Variants in LRRTM4 observed in about 807,000 individuals in gnomAD.
LRRTM4 encodes leucine rich repeat transmembrane neuronal 4.
A neutral mutation model predicts 47.6 loss-of-function variants in LRRTM4; 25 were observed. The ratio of observed to expected loss-of-function variants is 0.53; its 90% CI spans 0.38 to 0.73. The LOEUF is 0.73. LRRTM4 is among the 30% of genes least tolerant of loss of function. The probability of loss-of-function intolerance (pLI) is 0.00; values close to 1 mark genes in which losing one functional copy is unlikely to be tolerated. For synonymous variants in LRRTM4, 311 were observed against 269.5 expected, an observed-to-expected ratio of 1.15 and a Z score of -1.51; for missense variants, 638 against 713.4, an observed-to-expected ratio of 0.89 and a Z score of 1.20.
chr2:77,499,067 C>T (rs1196271184), intron 3 of LRRTM4, among the ~76,000 whole-genome samples: 1 of 151,874 alleles, frequency 6.6e-6, no homozygotes, highest in East Asian at 1.9e-4. Context: ...TTATGCACTA[C>T]ATTAATAATC....
At chr2:77,339,706 G>T (rs1204587372) in intron 3 of LRRTM4, among the ~76,000 whole-genome samples, 1 of 151,904 alleles carries the variant, frequency 6.6e-6, no homozygotes, top group African/African-American at 2.4e-5. Flanking sequence ...TGCATCAAAG[G>T]CAGATATATG....
intron 3 of LRRTM4, among the ~76,000 whole-genome samples, chr2:77,105,407 A>G (rs1671067723): frequency 6.6e-6 from 1 of 151,670 alleles, no homozygotes; most frequent in Admixed American, 6.6e-5. Flanking sequence ...TCTCAAGGAC[A>G]AAAAACCAAA....
chr2:77,278,013 A>G (rs1359163088), intron 3 of LRRTM4, among the ~76,000 whole-genome samples: 1 of 151,956 alleles, frequency 6.6e-6, no homozygotes, highest in Non-Finnish European at 1.5e-5. Context: ...CCCCAGAAGA[A>G]CTGCTGCTGC....
chr2:76,870,434 G>T (rs1250507254), intron 3 of LRRTM4, among the ~76,000 whole-genome samples: 1 of 152,002 alleles, frequency 6.6e-6, no homozygotes, highest in East Asian at 1.9e-4. Context: ...TTTCCCAAAA[G>T]AATGAGCTGA....
At chr2:77,014,969 G>A (rs112883102) in intron 3 of LRRTM4, among the ~76,000 whole-genome samples, 2 of 151,862 alleles carry the variant, frequency 1.3e-5, no homozygotes, top group African/African-American at 4.8e-5. Context: ...TTTAGTAATT[G>A]GATAAACACT....
chr2:76,873,501 T>TAC (rs1491192402), intron 3 of LRRTM4, among the ~76,000 whole-genome samples: 4 of 73,940 alleles, frequency 5.4e-5, no homozygotes, highest in Non-Finnish European at 5.3e-5. Context: ...TGTATATATA[T>TAC]GTGTGTATAT....
intron 3 of LRRTM4, among the ~76,000 whole-genome samples, chr2:77,154,291 C>A (rs544042902): frequency 6.6e-6 from 1 of 152,134 alleles, no homozygotes; most frequent in Admixed American, 6.5e-5. Context: ...TCTTTCCCTG[C>A]CAAATTTCTG....
At chr2:77,203,683 T>C (rs1384521870) in intron 3 of LRRTM4, among the ~76,000 whole-genome samples, 1 of 152,112 alleles carries the variant, frequency 6.6e-6, no homozygotes, top group Non-Finnish European at 1.5e-5. Flanking sequence ...GGAGAGTGTA[T>C]AGAAAAGAGT....
intron 3 of LRRTM4, among the ~76,000 whole-genome samples, chr2:76,915,059 A>T (rs1321269738): frequency 1.3e-5 from 2 of 152,238 alleles, no homozygotes; most frequent in African/African-American, 4.8e-5. Flanking sequence ...AAATTTTAGA[A>T]ATCTTTGAAA....
At chr2:77,407,524 T>C (rs191967409) in intron 3 of LRRTM4, among the ~76,000 whole-genome samples, 1 of 148,394 alleles carries the variant, frequency 6.7e-6, no homozygotes, top group Admixed American at 6.9e-5. Context: ...GTTTTGGCAG[T>C]TGAAGGTCAA....
chr2:77,374,568 T>C (rs1255299012), intron 3 of LRRTM4, among the ~76,000 whole-genome samples: 1 of 151,810 alleles, frequency 6.6e-6, no homozygotes, highest in African/African-American at 2.4e-5. Flanking sequence ...TTCTAGACTT[T>C]ACAGTGAGAC....
intron 3 of LRRTM4, among the ~76,000 whole-genome samples, chr2:77,402,802 T>C (rs1381054171): frequency 2.6e-5 from 4 of 151,990 alleles, no homozygotes; most frequent in Non-Finnish European, 5.9e-5. Context: ...TTGGTCACCC[T>C]TGGTTAACAT....
chr2:77,045,827 AT>A (rs1011427196), intron 3 of LRRTM4, among the ~76,000 whole-genome samples: 5 of 151,458 alleles, frequency 3.3e-5, no homozygotes, highest in Non-Finnish European at 5.9e-5. Flanking sequence ...CAAGCACAGC[AT>A]TTTTTTTGCT....
chr2:76,907,351 A>G (rs918155290), intron 3 of LRRTM4, among the ~76,000 whole-genome samples: 8 of 151,492 alleles, frequency 5.3e-5, no homozygotes, highest in Non-Finnish European at 7.4e-5. Flanking sequence ...TAGTGTGTAA[A>G]GGGAAATTTA....
Position 77,295,925 on chromosome 2 carries a change from G to C in LRRTM4, c.1551+222393C>G, listed in dbSNP as rs566053185. Among the ~76,000 whole-genome samples, 18 of 152,210 alleles carry C rather than the reference G, an allele frequency of 1.2e-4. 1 individual carries two copies. Among genetic ancestry groups the C allele is most frequent in the Admixed American group, 1.1e-3 (17 of 15,272 alleles). ...TAGTAATTGAACATATGAATCTTAA[G>C]GGGGCCCAACTCAGGCCATGACAAT... On this transcript the variant is annotated intron_variant, in intron 3 of 3. Coordinates refer to ENST00000409884, the MANE Select transcript of LRRTM4 (RefSeq NM_001134745.3).
intron 3 of LRRTM4, among the ~76,000 whole-genome samples, chr2:76,857,955 G>A (rs1219820235): frequency 6.6e-6 from 1 of 152,080 alleles, no homozygotes; most frequent in Non-Finnish European, 1.5e-5. Context: ...GTACTAGAGT[G>A]CAGCCTCAGG....
At chr2:76,898,672 T>C (rs1466003413) in intron 3 of LRRTM4, among the ~76,000 whole-genome samples, 2 of 151,366 alleles carry the variant, frequency 1.3e-5, no homozygotes, top group Non-Finnish European at 1.5e-5. Flanking sequence ...CACAGCCATA[T>C]AGAGTTTCCT....
chr2:77,029,327 C>T (rs376880351), intron 3 of LRRTM4, among the ~76,000 whole-genome samples: 41 of 151,976 alleles, frequency 2.7e-4, no homozygotes, highest in African/African-American at 8.4e-4. Context: ...GGAGCCAGTC[C>T]GAGTCCCAAA....
intron 3 of LRRTM4, among the ~76,000 whole-genome samples, chr2:77,106,050 T>C (rs142254618): frequency 6.2e-4 from 94 of 152,304 alleles, no homozygotes; most frequent in African/African-American, 2.2e-3. Flanking sequence ...ACCAGCTTTC[T>C]ATTTTTCTCA....
Sources: gnomAD v4.1 joint callset for allele counts (sites outside exome capture counted in the v4.1 genomes callset) on GRCh38, gnomAD v4.1.1 for gene constraint, MANE v1.5 for transcripts, NCBI Gene and HGNC (gene_info 2026-07-23, HGNC 2026-07-21) for gene names.